Variants in TMEM181 observed in about 807,000 individuals in gnomAD.
The protein encoded by TMEM181 is transmembrane protein 181.
TMEM181 carries 39 observed loss-of-function variants against 71.9 expected under a neutral mutation model. That is an observed-to-expected ratio of 0.54 (90% CI 0.42 to 0.71). TMEM181 has a LOEUF of 0.71. TMEM181 is among the 30% of genes least tolerant of loss of function. The pLI is 0.00. For synonymous variants in TMEM181, 245 were observed against 228.8 expected (o/e 1.07, Z -0.64); for missense variants, 595 against 583.0 (o/e 1.02, Z -0.21).
intron 10 of TMEM181, among the ~76,000 whole-genome samples, chr6:158,618,024 G>A (rs1459822403): frequency 1.3e-5 from 2 of 152,142 alleles, no homozygotes; most frequent in Non-Finnish European, 2.9e-5. Flanking sequence ...TTCAAGTCCC[G>A]GATATCCTTG....
chr6:158,580,863 T>G, intron 2 of TMEM181, 77 bp from the exon 3 acceptor site: 4 of 1,391,888 alleles, frequency 2.9e-6, no homozygotes, highest in Non-Finnish European at 4.0e-6. Context: ...GTGTGAGTCT[T>G]TCTTGGAATT....
intron 1 of TMEM181, among the ~76,000 whole-genome samples, chr6:158,537,935 A>G (rs1325603201): frequency 2.0e-5 from 3 of 152,148 alleles, no homozygotes; most frequent in Non-Finnish European, 2.9e-5. Context: ...GACCGTGGTC[A>G]TGGTTACTGA....
chr6:158,581,285 C>T (rs898218129), intron 3 of TMEM181, among the ~76,000 whole-genome samples: 1 of 152,224 alleles, frequency 6.6e-6, no homozygotes, highest in Non-Finnish European at 1.5e-5. Flanking sequence ...TTCCTTGCCT[C>T]TGTAAGTCCT....
rs183722003 is a variant in TMEM181 at position 158,571,343 on chromosome 6, A to G, written c.9-2077A>G. ...GATCTCCTGACCTTGTGATCCGCCC[A>G]CCTTGGCCTCCCAAAGTGCTGGGAT... is the stretch of plus-strand genomic sequence containing the variant. On this transcript the variant is annotated intron_variant, in intron 1 of 16. Transcript: ENST00000684151. Among the ~76,000 whole-genome samples, 1,091 of 146,986 alleles carry G rather than the reference A, an allele frequency of 7.4e-3. 30 individuals carry two copies. Among genetic ancestry groups the G allele is most frequent in the African/African-American group, 0.026 (1,001 of 38,754 alleles).
intron 1 of TMEM181, among the ~76,000 whole-genome samples, chr6:158,567,449 C>G (rs1344506166): frequency 6.6e-6 from 1 of 152,186 alleles, no homozygotes; most frequent in Non-Finnish European, 1.5e-5. Context: ...CCGTCAGGCA[C>G]TCTGCTGTGT....
intron 1 of TMEM181, among the ~76,000 whole-genome samples, chr6:158,560,611 C>T (rs539654354): frequency 6.6e-5 from 10 of 152,292 alleles, no homozygotes; most frequent in South Asian, 2.1e-4. Flanking sequence ...CGGGCAGCCT[C>T]TCCTGCCGGA....
At chr6:158,547,954 C>T (rs1183458992) in intron 1 of TMEM181, among the ~76,000 whole-genome samples, 1 of 148,680 alleles carries the variant, frequency 6.7e-6, no homozygotes, top group Non-Finnish European at 1.5e-5. Flanking sequence ...TGGAGAGAAG[C>T]AGTTCCCAGC....
Position 158,631,353 on chromosome 6 carries a change from C to A in TMEM181, c.1313C>A (p.Ser438Tyr). ...ESQLKDNPAFSMLNDSDDDVI... is the reference protein window; with the variant it reads ...ESQLKDNPAFYMLNDSDDDVI... ...CAGCTGAAAGACAATCCTGCCTTCT[C>A]CATGCTGAATGACTCGGATGATGAT... is the stretch of plus-strand genomic sequence containing the variant. Residue 438 changes from serine (S) to tyrosine (Y), a missense_variant, in exon 16 of 17, where the codon TCC (serine) becomes TAC (tyrosine). Physicochemically the swap from Ser to Tyr is moderately radical, Grantham distance 144. Coordinates refer to ENST00000684151, the MANE Select transcript of TMEM181 (RefSeq NM_001376852.1). 6.2e-7 allele frequency: 1 copy of A among 1,614,230 alleles called. No individual in the cohort carries two copies. The highest frequency in any genetic ancestry group is 8.5e-7 in the Non-Finnish European group (1 of 1,180,042).
intron 1 of TMEM181, among the ~76,000 whole-genome samples, chr6:158,541,439 CAAAAAACAA>C (rs1478595511): frequency 6.6e-6 from 1 of 151,774 alleles, no homozygotes; most frequent in Admixed American, 6.6e-5. Context: ...AAACAAAAAA[CAAAAAACAA>C]AAGAATTATC....
At chr6:158,565,295 C>T (rs952457685) in intron 1 of TMEM181, among the ~76,000 whole-genome samples, 1 of 152,200 alleles carries the variant, frequency 6.6e-6, no homozygotes, top group Non-Finnish European at 1.5e-5. Context: ...CTCGTGAGCC[C>T]TATGTGGGAG....
chr6:158,621,011 G>A (rs953537637), intron 10 of TMEM181, among the ~76,000 whole-genome samples: 4 of 152,188 alleles, frequency 2.6e-5, no homozygotes, highest in Non-Finnish European at 4.4e-5. Context: ...ATGTTTCTGT[G>A]TGTCTCTTTG....
intron 8 of TMEM181, 65 bp downstream of exon 8, chr6:158,607,408 AG>A: frequency 6.7e-7 from 1 of 1,482,254 alleles, no homozygotes. Flanking sequence ...GGCCAGGTGC[AG>A]GGTTGTGCCT....
At chr6:158,624,953 C>T (rs561068684) in intron 11 of TMEM181, 151 bp from the exon 12 acceptor site, 82 of 684,560 alleles carry the variant, frequency 1.2e-4, no homozygotes, top group South Asian at 1.1e-3. Flanking sequence ...CAGATGGTCC[C>T]GGCTGGGAGC....
chr6:158,585,238 G>A, intron 4 of TMEM181, 66 bp from the exon 5 acceptor site: 1 of 1,491,652 alleles, frequency 6.7e-7, no homozygotes, highest in Non-Finnish European at 8.9e-7. Flanking sequence ...ACAGAGCCAG[G>A]AAGGCACCTT....
rs1032989609 is a variant in TMEM181 at position 158,634,514 on chromosome 6, A to G, written c.*2626A>G. The G allele has an allele frequency of 2.0e-5, 3 of 152,202 alleles. No homozygotes were observed. The highest frequency in any genetic ancestry group is 7.2e-5 in the African/African-American group (3 of 41,446). The allele number at this position is 152,202 out of a possible 1,614,324, so 9.4% of individuals were successfully genotyped here. A position where few individuals can be genotyped will look rare whatever the true frequency, so the allele number is the denominator to read the frequency against. Reference sequence around the variant, plus strand: ...TTAAATACTGGTCCAGTCTAGGAGAACCTGGAAGATGACCAGAGGTATTTC... The same window carrying G: ...TTAAATACTGGTCCAGTCTAGGAGAGCCTGGAAGATGACCAGAGGTATTTC... On this transcript the variant is annotated 3_prime_UTR_variant, in exon 17 of 17. Coordinates refer to ENST00000684151, the MANE Select transcript of TMEM181 (RefSeq NM_001376852.1).
chr6:158,537,595 C>G (rs1282927604), intron 1 of TMEM181, among the ~76,000 whole-genome samples: 2 of 152,200 alleles, frequency 1.3e-5, no homozygotes, highest in East Asian at 3.9e-4. Flanking sequence ...CGCCAATGGC[C>G]GATTTACCCA....
chr6:158,632,679 CA>C lies in TMEM181; in HGVS notation c.*792del, dbSNP rs1482858661. 6.6e-6 allele frequency: 1 copy of C among 152,240 alleles called. No individual in the cohort carries two copies. The highest frequency in any genetic ancestry group is 1.5e-5 in the Non-Finnish European group (1 of 68,072). The allele number at this position is 152,240 out of a possible 1,614,324, so 9.4% of individuals were successfully genotyped here. ...TGGATTTGCCTGTGGGAGGTATGGG[CA>C]GGAGAGGAACCCTTACCATTCCAGT... On this transcript the variant is annotated 3_prime_UTR_variant, in exon 17 of 17. Coordinates refer to ENST00000684151, the MANE Select transcript of TMEM181 (RefSeq NM_001376852.1).
Position 158,560,102 on chromosome 6 carries a change from G to T in TMEM181, c.-123G>T. On this transcript the variant is annotated 5_prime_UTR_variant, in exon 1 of 17. Transcript: ENST00000684151. Reference sequence around the variant, plus strand: ...CGTCGCGCTCTGATGAGTTTTCCGCGGCCGGCCGCTGCTCAGCCGCTGTCG... The same window carrying T: ...CGTCGCGCTCTGATGAGTTTTCCGCTGCCGGCCGCTGCTCAGCCGCTGTCG... 2 of 985,004 alleles carry T rather than the reference G, an allele frequency of 2.0e-6. No homozygotes were observed. The highest frequency in any genetic ancestry group is 2.4e-6 in the Non-Finnish European group (2 of 829,796). 61.0% of individuals were successfully genotyped at this position (985,004 alleles called of 1,614,324 possible). A position where few individuals can be genotyped will look rare whatever the true frequency, so the allele number is the denominator to read the frequency against.
chr6:158,581,753 CAAAAA>C (rs10626721), intron 3 of TMEM181, among the ~76,000 whole-genome samples: 40 of 62,170 alleles, frequency 6.4e-4, no homozygotes, highest in South Asian at 8.3e-4. Context: ...GACTCTGTCT[CAAAAA>C]AAAAAAAAAA....
Sources: gnomAD v4.1 joint callset for allele counts (sites outside exome capture counted in the v4.1 genomes callset) on GRCh38, gnomAD v4.1.1 for gene constraint, MANE v1.5 for transcripts, NCBI Gene and HGNC (gene_info 2026-07-23, HGNC 2026-07-21) for gene names.